Variants in CCDC171 observed in about 807,000 individuals in gnomAD.
CCDC171 encodes the protein coiled-coil domain-containing protein 171.
In CCDC171, 177 loss-of-function variants were observed where a neutral mutation model predicts 168.2. The ratio of observed to expected loss-of-function variants is 1.05; its 90% CI spans 0.93 to 1.19. The LOEUF (loss-of-function observed/expected upper bound fraction) is 1.19. CCDC171 is among the 50% of genes most tolerant of loss of function. The pLI is 0.00. For synonymous variants in CCDC171, 687 were observed against 540.8 expected, an observed-to-expected ratio of 1.27 and a Z score of -3.75; for missense variants, 1,991 against 1,539.0, an observed-to-expected ratio of 1.29 and a Z score of -4.91.
At chr9:15,683,102 A>G (rs978496791) in intron 10 of CCDC171, among the ~76,000 whole-genome samples, 2 of 151,966 alleles carry the variant, frequency 1.3e-5, no homozygotes, top group Non-Finnish European at 2.9e-5. Context: ...TTTTCCTGCC[A>G]CTCAGTAATA....
At chr9:15,608,974 A>G (rs1045887468) in intron 6 of CCDC171, among the ~76,000 whole-genome samples, 21 of 133,200 alleles carry the variant, frequency 1.6e-4, no homozygotes, top group Non-Finnish European at 2.4e-4. Flanking sequence ...AAAAAAAAAG[A>G]GTGGTTTTTT....
At chr9:15,840,777 CTTT>C (rs111287672) in intron 21 of CCDC171, among the ~76,000 whole-genome samples, 1 of 150,970 alleles carries the variant, frequency 6.6e-6, no homozygotes, top group African/African-American at 2.4e-5. Flanking sequence ...TACTATCCTC[CTTT>C]TTTTTTGTCA....
At chr9:16,053,438 C>T (rs1833783861) in intron 1 of CCDC171, among the ~76,000 whole-genome samples, 1 of 152,238 alleles carries the variant, frequency 6.6e-6, no homozygotes, top group Non-Finnish European at 1.5e-5. Flanking sequence ...ACATGTCAGC[C>T]CTGCCACTTA....
chr9:15,872,565 A>G (rs796648206), intron 23 of CCDC171, among the ~76,000 whole-genome samples: 3 of 152,012 alleles, frequency 2.0e-5, no homozygotes, highest in Non-Finnish European at 4.4e-5. Context: ...TCCCTAGTGA[A>G]TTTTGTCACA....
At chr9:15,772,573 A>G (rs73644945) in intron 18 of CCDC171, among the ~76,000 whole-genome samples, 4,170 of 152,316 alleles carry the variant, frequency 0.027, 189 homozygotes, top group African/African-American at 0.096. Context: ...AAGGAGTTGC[A>G]TATAAAGAAA....
intron 21 of CCDC171, among the ~76,000 whole-genome samples, chr9:15,820,439 A>G (rs200659378): frequency 8.7e-6 from 1 of 114,904 alleles, no homozygotes; most frequent in Admixed American, 8.2e-5. Flanking sequence ...TTGATAGACC[A>G]CTAGCAAGAC....
chr9:15,906,760 A>G (rs1401506129), intron 24 of CCDC171, among the ~76,000 whole-genome samples: 7 of 152,276 alleles, frequency 4.6e-5, no homozygotes, highest in African/African-American at 1.7e-4. Context: ...ACATGATTGT[A>G]TATCTAGAAA....
At chr9:16,055,117 G>T (rs1363390807) in intron 1 of CCDC171, among the ~76,000 whole-genome samples, 1 of 152,172 alleles carries the variant, frequency 6.6e-6, no homozygotes, top group Non-Finnish European at 1.5e-5. Context: ...GGACAAAGGA[G>T]GACCTCAGAT....
chr9:15,879,459 T>C (rs1041068169), intron 24 of CCDC171, among the ~76,000 whole-genome samples: 40 of 152,312 alleles, frequency 2.6e-4, no homozygotes, highest in African/African-American at 8.4e-4. Context: ...TCTTCTCTTT[T>C]AGCTATTTTG....
intron 15 of CCDC171, among the ~76,000 whole-genome samples, chr9:15,728,588 A>T (rs2053962877): frequency 6.6e-6 from 1 of 152,164 alleles, no homozygotes; most frequent in Non-Finnish European, 1.5e-5. Context: ...TTTATAGGAG[A>T]ATATAGTAGA....
At chr9:16,065,071 T>C (rs537238264), downstream of CCDC171, among the ~76,000 whole-genome samples, 1 of 152,228 alleles carries the variant, frequency 6.6e-6, no homozygotes, top group African/African-American at 2.4e-5. Flanking sequence ...GTGGGGGTGA[T>C]GCAATGCAGG....
chr9:15,665,798 T>C (rs1330756545), intron 8 of CCDC171, among the ~76,000 whole-genome samples: 1 of 152,080 alleles, frequency 6.6e-6, no homozygotes, highest in Non-Finnish European at 1.5e-5. Context: ...ACCCAAACAT[T>C]TAATTTATTA....
At chr9:15,677,153 C>T (rs1044716811) in intron 9 of CCDC171, among the ~76,000 whole-genome samples, 1 of 151,992 alleles carries the variant, frequency 6.6e-6, no homozygotes, top group African/African-American at 2.4e-5. Context: ...ATTCTTTGCA[C>T]CTTATTCATC....
At position 15,927,486 on chromosome 9, in the gene CCDC171, C is replaced by T. The variant is rs190969511; in HGVS notation, c.3753+7064C>T. On this transcript the variant is annotated intron_variant, in intron 25 of 25. Coordinates refer to ENST00000380701, the MANE Select transcript of CCDC171 (RefSeq NM_173550.4). Reference sequence around the variant, plus strand: ...TACTTTGCTGTGAGTTATGATGCTGCAAACTACGGTACTGATTTGCTTCAT... The same window carrying T: ...TACTTTGCTGTGAGTTATGATGCTGTAAACTACGGTACTGATTTGCTTCAT... 1.3e-4 allele frequency among the ~76,000 whole-genome samples: 20 copies of T among 151,796 alleles called. No homozygotes were observed. The East Asian group carries it at 3.5e-3, about 27-fold the overall frequency.
chr9:15,992,232 A>G (rs762915648), intron 3 of CCDC171, among the ~76,000 whole-genome samples: 5 of 152,200 alleles, frequency 3.3e-5, no homozygotes, highest in African/African-American at 4.8e-5. Flanking sequence ...CTTATCCACC[A>G]TGACCAAGTG....
chr9:15,675,902 A>C (rs1296770687), intron 9 of CCDC171, among the ~76,000 whole-genome samples: 2 of 152,084 alleles, frequency 1.3e-5, no homozygotes, highest in South Asian at 2.1e-4. Flanking sequence ...GTATTTCCTG[A>C]ATTTGAATGT....
intron 6 of CCDC171, among the ~76,000 whole-genome samples, chr9:16,032,100 GCT>G (rs1163998745): frequency 6.6e-6 from 1 of 152,192 alleles, no homozygotes; most frequent in Non-Finnish European, 1.5e-5. Context: ...GCATGGATGG[GCT>G]TTCAACCCAC....
the CCDC171 span, among the ~76,000 whole-genome samples, chr9:16,095,867 C>CATATAT: frequency 0.033 from 1,762 of 52,674 alleles, 31 homozygotes; most frequent in African/African-American, 0.072. Context: ...CACACATAGG[C>CATATAT]ACATATATAT....
chr9:16,079,298 A>G, the CCDC171 span, among the ~76,000 whole-genome samples: 71,180 of 152,090 alleles, frequency 0.47, 18,886 homozygotes, highest in African/African-American at 0.74. Flanking sequence ...GTACGTGGAA[A>G]TCCTAACTAC....
Sources: gnomAD v4.1 joint callset for allele counts (sites outside exome capture counted in the v4.1 genomes callset) on GRCh38, gnomAD v4.1.1 for gene constraint, MANE v1.5 for transcripts, NCBI Gene and HGNC (gene_info 2026-07-23, HGNC 2026-07-21) for gene names.